Variants in NAALAD2 observed in about 807,000 individuals in gnomAD.
The protein encoded by NAALAD2 is N-acetylated-alpha-linked acidic dipeptidase 2.
In NAALAD2, 89 loss-of-function variants were observed where a neutral mutation model predicts 95.6. That is an observed-to-expected ratio of 0.93 (90% CI 0.78 to 1.11). The LOEUF (loss-of-function observed/expected upper bound fraction) is 1.11. Ranked by LOEUF, NAALAD2 falls within the 50% of genes least tolerant of loss-of-function variation. NAALAD2 has a pLI of 0.00. For synonymous variants in NAALAD2, 264 were observed against 294.4 expected (o/e 0.90, Z 1.06); for missense variants, 894 against 872.4 (o/e 1.02, Z -0.31).
chr11:90,157,619 A>G (rs1260623758), intron 6 of NAALAD2, among the ~76,000 whole-genome samples: 1 of 152,230 alleles, frequency 6.6e-6, no homozygotes, highest in Non-Finnish European at 1.5e-5. Flanking sequence ...GTGAAATGTC[A>G]AAACAAATTT....
At chr11:90,177,102 T>A (rs1163030197) in intron 15 of NAALAD2, among the ~76,000 whole-genome samples, 1 of 152,190 alleles carries the variant, frequency 6.6e-6, no homozygotes, top group Non-Finnish European at 1.5e-5. Flanking sequence ...CCATACAAGG[T>A]GGCAAATAAT....
chr11:90,184,320 A>G (rs986539963), intron 18 of NAALAD2, among the ~76,000 whole-genome samples: 3 of 152,172 alleles, frequency 2.0e-5, no homozygotes, highest in African/African-American at 7.2e-5. Flanking sequence ...TAAGCTTCAG[A>G]TCCCTCAGCT....
At chr11:90,176,939 G>T (rs1952807671) in intron 15 of NAALAD2, among the ~76,000 whole-genome samples, 1 of 152,006 alleles carries the variant, frequency 6.6e-6, no homozygotes, top group African/African-American at 2.4e-5. Context: ...CTTTGTCAAG[G>T]CCTGTTCACT....
chr11:90,163,229 G>A (rs1176787805), intron 9 of NAALAD2, 81 bp from the exon 10 acceptor site: 7 of 1,434,248 alleles, frequency 4.9e-6, no homozygotes, highest in Non-Finnish European at 5.7e-6. Context: ...CAAGCAAGAG[G>A]ATGTTTATTT....
At chr11:90,158,811 G>A (rs1183112225) in intron 7 of NAALAD2, 1 of 189,258 alleles carries the variant, frequency 5.3e-6, no homozygotes, top group Non-Finnish European at 1.1e-5. Context: ...TTAAATGCCT[G>A]TATGTGTATT....
intron 14 of NAALAD2, among the ~76,000 whole-genome samples, chr11:90,175,323 A>G (rs1024549958): frequency 1.3e-5 from 2 of 152,178 alleles, no homozygotes; most frequent in Non-Finnish European, 2.9e-5. Context: ...TACTAACCTA[A>G]TAGTTTGGAA....
At position 90,168,404 on chromosome 11, in the gene NAALAD2, G is replaced by A. The variant is rs144131686; in HGVS notation, c.1279-525G>A. On this transcript the variant is annotated intron_variant, in intron 11 of 18. Transcript: ENST00000534061. ...CACCTGTAATCCCGGGTACTCCGGA[G>A]GCTGAGTCAAGAGAATTGTTTGAAC... Among the ~76,000 whole-genome samples, 263 of 152,362 alleles carry A rather than the reference G, an allele frequency of 1.7e-3. 3 individuals are homozygous for A. Among genetic ancestry groups the A allele is most frequent in the African/African-American group, 6.0e-3 (251 of 41,598 alleles).
intron 2 of NAALAD2, among the ~76,000 whole-genome samples, chr11:90,140,204 G>T (rs1176066817): frequency 1.3e-5 from 2 of 152,086 alleles, no homozygotes; most frequent in Non-Finnish European, 2.9e-5. Context: ...AGAGCAATAA[G>T]CTGTTGCTAC....
At chr11:90,139,337 C>T (rs1019632274) in intron 2 of NAALAD2, among the ~76,000 whole-genome samples, 1 of 152,136 alleles carries the variant, frequency 6.6e-6, no homozygotes, top group Non-Finnish European at 1.5e-5. Flanking sequence ...AACCCAAGTG[C>T]ATTTGCACAA....
At chr11:90,139,942 GT>G (rs1370074458) in intron 2 of NAALAD2, among the ~76,000 whole-genome samples, 1 of 151,064 alleles carries the variant, frequency 6.6e-6, no homozygotes, top group Non-Finnish European at 1.5e-5. Flanking sequence ...TCAGTCTACG[GT>G]ATACCAAGCA....
At chr11:90,168,725 C>T (rs948130225) in intron 11 of NAALAD2, among the ~76,000 whole-genome samples, 7 of 152,074 alleles carry the variant, frequency 4.6e-5, no homozygotes, top group African/African-American at 1.7e-4. Flanking sequence ...TCATAGTATC[C>T]TTAATTCTTA....
chr11:90,185,338 G>A (rs1314012228), intron 18 of NAALAD2, among the ~76,000 whole-genome samples: 1 of 151,708 alleles, frequency 6.6e-6, no homozygotes, highest in African/African-American at 2.4e-5. Flanking sequence ...CATAAATAAT[G>A]TATGGGACCA....
rs773275468 is a variant in NAALAD2 at position 90,144,740 on chromosome 11, T to TAA, written c.195-2576_195-2575dup. 1.4e-4 allele frequency among the ~76,000 whole-genome samples: 13 copies of TAA among 90,900 alleles called. 1 individual carries two copies. Among genetic ancestry groups the TAA allele is most frequent in the South Asian group, 8.1e-4 (2 of 2,468 alleles). The allele number at this position is 90,900 out of a possible 152,430, so 59.6% of individuals were successfully genotyped here. A position where few individuals can be genotyped will look rare whatever the true frequency, so the allele number is the denominator to read the frequency against. ...CTGGGCAACAAGAGCAAAACTCCAT[T>TAA]AAAAAAAAAAAAAAACGGAAAAGAA... is the stretch of plus-strand genomic sequence containing the variant. On this transcript the variant is annotated intron_variant, in intron 2 of 18. Transcript: ENST00000534061.
chr11:90,190,827 G>T (rs543161566), intron 18 of NAALAD2, among the ~76,000 whole-genome samples: 2 of 152,196 alleles, frequency 1.3e-5, no homozygotes, highest in South Asian at 2.1e-4. Flanking sequence ...GCTTCATACA[G>T]ATTTACTCTA....
rs71477596 is a variant in NAALAD2 at position 90,146,343 on chromosome 11, A to ATTTTTTTTTT, written c.195-963_195-954dup. Among the ~76,000 whole-genome samples the ATTTTTTTTTT allele has an allele frequency of 4.6e-4, 22 of 47,958 alleles. 3 individuals are homozygous for ATTTTTTTTTT. Among genetic ancestry groups the ATTTTTTTTTT allele is most frequent in the African/African-American group, 5.6e-4 (7 of 12,512 alleles). The allele number at this position is 47,958 out of a possible 152,430, so 31.5% of individuals were successfully genotyped here. ...GTTCTACTGATGGTGGGGGAGTTTA[A>ATTTTTTTTTT]TTTTTTTTTTTTTTTTTTTTTTTTT... On this transcript the variant is annotated intron_variant, in intron 2 of 18. Coordinates refer to ENST00000534061, the MANE Select transcript of NAALAD2 (RefSeq NM_005467.4).
chr11:90,170,265 A>G, intron 13 of NAALAD2, 129 bp downstream of exon 13: 1 of 649,356 alleles, frequency 1.5e-6, no homozygotes, highest in Admixed American at 2.6e-5. Flanking sequence ...TATAAACAAA[A>G]CAAAATCTTT....
At chr11:90,161,767 T>C (rs566250966) in intron 8 of NAALAD2, among the ~76,000 whole-genome samples, 1 of 152,280 alleles carries the variant, frequency 6.6e-6, no homozygotes, top group African/African-American at 2.4e-5. Flanking sequence ...AATTTTCTTC[T>C]TTTAATGACA....
At chr11:90,170,484 A>C (rs980560809) in intron 13 of NAALAD2, among the ~76,000 whole-genome samples, 3 of 152,222 alleles carry the variant, frequency 2.0e-5, no homozygotes, top group Non-Finnish European at 2.9e-5. Flanking sequence ...TCATTCAACA[A>C]ATATTCACTG....
At chr11:90,136,619 G>A (rs1459501324) in intron 2 of NAALAD2, among the ~76,000 whole-genome samples, 1 of 152,116 alleles carries the variant, frequency 6.6e-6, no homozygotes, top group Non-Finnish European at 1.5e-5. Context: ...TGCATTAGTA[G>A]TTCATTATTT....
Sources: gnomAD v4.1 joint callset for allele counts (sites outside exome capture counted in the v4.1 genomes callset) on GRCh38, gnomAD v4.1.1 for gene constraint, MANE v1.5 for transcripts, NCBI Gene and HGNC (gene_info 2026-07-23, HGNC 2026-07-21) for gene names.